The following EXT1 variants were observed in gnomAD, a reference collection of about 807,000 sequenced individuals.
EXT1 encodes exostosin glycosyltransferase 1, also known as exostosin-1.
Under a neutral mutation model 82.5 loss-of-function variants are expected in EXT1, and 20 were observed. The ratio of observed to expected loss-of-function variants is 0.24; its 90% CI spans 0.17 to 0.35. The LOEUF (loss-of-function observed/expected upper bound fraction) is 0.35. Among genes scored for constraint, EXT1 ranks in the 10% least tolerant of loss-of-function variants. EXT1 has a pLI of 1.00. For missense variants in EXT1, 757 were observed against 936.5 expected, an observed-to-expected ratio of 0.81 and a Z score of 2.50; for synonymous variants, 348 against 350.8, an observed-to-expected ratio of 0.99 and a Z score of 0.09.
chr8:118,029,894 T>C (rs983198793), intron 1 of EXT1, among the ~76,000 whole-genome samples: 1 of 152,218 alleles, frequency 6.6e-6, no homozygotes, highest in East Asian at 1.9e-4. Flanking sequence ...GTATTTGCTT[T>C]CCTCAAGGTT....
rs1811895999 is a variant in EXT1 at position 117,819,927 on chromosome 8, TC to T, written c.1418-134del. 8.3e-6 allele frequency: 7 copies of T among 839,906 alleles called. No homozygotes were observed. The South Asian group carries it at 1.1e-4, about 14-fold the overall frequency. 52.0% of individuals were successfully genotyped at this position (839,906 alleles called of 1,614,324 possible). ...GATGATTTCTCCTTTGCTTCTTATG[TC>T]CTGACAGGACAGAAACAAGATGAAA... On this transcript the variant is annotated intron_variant, in intron 5 of 10. Transcript: ENST00000378204.
At chr8:117,908,876 C>T (rs945002912) in intron 1 of EXT1, among the ~76,000 whole-genome samples, 2 of 151,932 alleles carry the variant, frequency 1.3e-5, no homozygotes, top group African/African-American at 2.4e-5. Context: ...ATAATCCGAC[C>T]GTTTTGGGAG....
chr8:118,107,643 G>A (rs137992606), intron 1 of EXT1, among the ~76,000 whole-genome samples: 11 of 152,292 alleles, frequency 7.2e-5, no homozygotes, highest in African/African-American at 2.2e-4. Flanking sequence ...CACGACACAC[G>A]TTGCTTGCTC....
intron 1 of EXT1, among the ~76,000 whole-genome samples, chr8:117,969,121 C>T (rs908904849): frequency 2.0e-5 from 3 of 152,146 alleles, no homozygotes; most frequent in South Asian, 2.1e-4. Context: ...CCAAAAGCCT[C>T]GGGGCAGGGT....
At position 117,928,014 on chromosome 8, in the gene EXT1, C is replaced by T. The variant is rs78508306; in HGVS notation, c.963-90813G>A. Among the ~76,000 whole-genome samples the T allele has an allele frequency of 3.4e-3, 517 of 152,328 alleles. 3 individuals are homozygous for T. The highest frequency in any genetic ancestry group is 0.011 in the African/African-American group (471 of 41,576). ...AATAGTGAATGTTATTTGTCCAGTACAGCCTCCAGTTGAGATGGCAACTTC... is the reference window on the plus strand; with the variant it reads ...AATAGTGAATGTTATTTGTCCAGTATAGCCTCCAGTTGAGATGGCAACTTC... On this transcript the variant is annotated intron_variant, in intron 1 of 10. Transcript: ENST00000378204.
At chr8:117,804,946 G>A (rs947838091) in intron 9 of EXT1, 53 bp from the exon 10 acceptor site, 75 of 1,578,716 alleles carry the variant, frequency 4.8e-5, no homozygotes, top group Non-Finnish European at 5.7e-5. Flanking sequence ...ATGATGACAA[G>A]TGGACTTCTG....
At chr8:117,846,079 G>A (rs1019262318) in intron 1 of EXT1, among the ~76,000 whole-genome samples, 1 of 152,138 alleles carries the variant, frequency 6.6e-6, no homozygotes, top group Non-Finnish European at 1.5e-5. Context: ...CTTTCTGAAA[G>A]AGGAGAGGTT....
chr8:117,883,316 C>T (rs908410881), intron 1 of EXT1, among the ~76,000 whole-genome samples: 1 of 152,152 alleles, frequency 6.6e-6, no homozygotes, highest in African/African-American at 2.4e-5. Context: ...TTTTAAGGTT[C>T]CATTTGTTTG....
chr8:118,077,709 C>T lies in EXT1; in HGVS notation c.962+32376G>A, dbSNP rs72675805. 7.4e-3 allele frequency among the ~76,000 whole-genome samples: 1,122 copies of T among 152,218 alleles called. 9 individuals carry two copies. Among genetic ancestry groups the T allele is most frequent in the South Asian group, 0.036 (175 of 4,824 alleles). ...TAATAATAAATATCAAACAAAGTGACAATAAATTAACTTCACAATTAAAAA... is the reference window on the plus strand; with the variant it reads ...TAATAATAAATATCAAACAAAGTGATAATAAATTAACTTCACAATTAAAAA... On this transcript the variant is annotated intron_variant, in intron 1 of 10. Coordinates refer to ENST00000378204, the MANE Select transcript of EXT1 (RefSeq NM_000127.3).
At chr8:117,915,178 T>C (rs553463605) in intron 1 of EXT1, among the ~76,000 whole-genome samples, 2 of 152,206 alleles carry the variant, frequency 1.3e-5, no homozygotes, top group South Asian at 4.1e-4. Flanking sequence ...AGAATCTACA[T>C]TGAAATATTG....
rs969611471 is a variant in EXT1, at chr8:118,096,386, G to A, written c.962+13699C>T. Among the ~76,000 whole-genome samples, 3 of 152,272 alleles carry A rather than the reference G, an allele frequency of 2.0e-5. No homozygotes were observed. In the East Asian group the frequency reaches 5.8e-4, roughly 29 times the overall value. ...GCCTGTAATCCCAGCACTTTGGGAC[G>A]CTGAGGCAGGCGGATCACGAGGTCG... On this transcript the variant is annotated intron_variant, in intron 1 of 10. Coordinates refer to ENST00000378204, the MANE Select transcript of EXT1 (RefSeq NM_000127.3).
chr8:117,822,563 C>A lies in EXT1; in HGVS notation c.1319G>T (p.Arg440Leu). ...ATGTTTGTTCCATATTAAACTGTTA[C>A]GTGATATGTGCTTGAATATTCTGTC... Reference protein sequence around the residue: ...IQDRIFKHISRNSLIWNKHPG... With the variant: ...IQDRIFKHISLNSLIWNKHPG... The change falls in exon 5 of 11, where the codon CGT (arginine) becomes CTT (leucine). Residue 440 changes from arginine to leucine, a missense_variant. Arg to Leu is a moderately radical substitution (Grantham distance 102). Coordinates refer to ENST00000378204, the MANE Select transcript of EXT1 (RefSeq NM_000127.3). The A allele has an allele frequency of 6.2e-7, 1 of 1,613,272 alleles. No homozygotes were observed. Among genetic ancestry groups the A allele is most frequent in the Non-Finnish European group, 8.5e-7 (1 of 1,179,650 alleles).
In EXT1 at chr8:118,110,100, T is replaced by C. The variant is rs1817867488; in HGVS notation, c.947A>G (p.Asn316Ser). The C allele has an allele frequency of 1.2e-6, 2 of 1,613,990 alleles. No homozygotes were observed. The highest frequency in any genetic ancestry group is 1.7e-6 in the Non-Finnish European group (2 of 1,180,034). Residue 316 changes from asparagine to serine, a missense_variant, in exon 1 of 11, where the codon AAC (asparagine) becomes AGC (serine). Asn to Ser is a conservative substitution (Grantham distance 46, BLOSUM62 1). Transcript: ENST00000378204. ...AGACACTTACTTCTCATACTCGGTG[T>C]TGTCTCTGTCACAGCGAGAATCCTT... The part of the protein sequence containing the change: ...KHKDSRCDRD[N>S]TEYEKYDYRE...
Position 118,110,782 on chromosome 8 carries a change from T to C in EXT1, c.265A>G (p.Asn89Asp). The change falls in exon 1 of 11, where the codon AAC (asparagine) becomes GAC (aspartate). Residue 89 changes from asparagine (N) to aspartate (D), a missense_variant. Around this residue, in one of 4 missense-constraint regions of EXT1, gnomAD observed 175 missense variants for 159.0 expected, o/e 1.10. Coordinates refer to ENST00000378204, the MANE Select transcript of EXT1 (RefSeq NM_000127.3). ...HISPRQKRDANSSIYKGKKCR... is the reference protein window; with the variant it reads ...HISPRQKRDADSSIYKGKKCR... ...TTCTTGCCTTTGTAGATGCTGGAGT[T>C]GGCATCTCGCTTCTGCCGGGGGGAA... The C allele has an allele frequency of 6.2e-7, 1 of 1,613,834 alleles. No individual in the cohort carries two copies. Among genetic ancestry groups the C allele is most frequent in the African/African-American group, 1.3e-5 (1 of 75,026 alleles).
Position 117,799,547 on chromosome 8 carries a change from G to A in EXT1, c.*165C>T, listed in dbSNP as rs1823131682. 1 of 724,590 alleles carries A rather than the reference G, an allele frequency of 1.4e-6. No individual in the cohort carries two copies. Among genetic ancestry groups the A allele is most frequent in the Non-Finnish European group, 2.3e-6 (1 of 435,286 alleles). 44.9% of individuals were successfully genotyped at this position (724,590 alleles called of 1,614,324 possible). On this transcript the variant is annotated 3_prime_UTR_variant, in exon 11 of 11. Coordinates refer to ENST00000378204, the MANE Select transcript of EXT1 (RefSeq NM_000127.3). Reference sequence around the variant, plus strand: ...CAGTCTGGTGCAGTCCCAGGAGCCAGGAGTTGAGTTCTCATTGGCCTTTTT... The same window carrying A: ...CAGTCTGGTGCAGTCCCAGGAGCCAAGAGTTGAGTTCTCATTGGCCTTTTT...
At chr8:118,059,726 T>G (rs546419636) in intron 1 of EXT1, among the ~76,000 whole-genome samples, 3 of 152,358 alleles carry the variant, frequency 2.0e-5, no homozygotes, top group African/African-American at 7.2e-5. Context: ...TCAAGACCTT[T>G]ACTTCCGCCA....
intron 1 of EXT1, among the ~76,000 whole-genome samples, chr8:117,861,399 G>A (rs1322208411): frequency 6.6e-6 from 1 of 151,330 alleles, no homozygotes; most frequent in African/African-American, 2.4e-5. Flanking sequence ...TTTACTTATT[G>A]AGCTTTATGA....
At chr8:117,852,504 C>T (rs1004868944) in intron 1 of EXT1, among the ~76,000 whole-genome samples, 1 of 152,146 alleles carries the variant, frequency 6.6e-6, no homozygotes, top group African/African-American at 2.4e-5. Flanking sequence ...TTATCTCAGC[C>T]AGGACCACCA....
intron 1 of EXT1, among the ~76,000 whole-genome samples, chr8:118,034,608 C>G (rs1175833531): frequency 6.6e-6 from 1 of 152,066 alleles, no homozygotes; most frequent in Non-Finnish European, 1.5e-5. Flanking sequence ...ACTTGCACAT[C>G]TGAAGTCACA....
Sources: gnomAD v4.1 joint callset for allele counts (sites outside exome capture counted in the v4.1 genomes callset) on GRCh38, gnomAD v4.1.1 for gene constraint, gnomAD v4.1.1 regional missense constraint, MANE v1.5 for transcripts, NCBI Gene and HGNC (gene_info 2026-07-23, HGNC 2026-07-21) for gene names.